BCKDHB: variants seen among roughly 807,000 people sequenced by gnomAD.
The protein encoded by BCKDHB is 2-oxoisovalerate dehydrogenase subunit beta, mitochondrial.
BCKDHB carries 41 observed loss-of-function variants against 48.5 expected under a neutral mutation model. That is an observed-to-expected ratio of 0.85 (90% CI 0.66 to 1.10). The LOEUF (loss-of-function observed/expected upper bound fraction) is 1.10. BCKDHB is among the 50% of genes least tolerant of loss of function. The pLI is 0.00. For synonymous variants in BCKDHB, 201 were observed against 174.8 expected, an observed-to-expected ratio of 1.15 and a Z score of -1.18; for missense variants, 496 against 494.2, an observed-to-expected ratio of 1.00 and a Z score of -0.03.
chr6:80,383,290 A>C, the BCKDHB span, among the ~76,000 whole-genome samples: 1 of 152,120 alleles, frequency 6.6e-6, no homozygotes, highest in Non-Finnish European at 1.5e-5. Flanking sequence ...TATTATCTAA[A>C]GAATGTTAAA....
intron 6 of BCKDHB, among the ~76,000 whole-genome samples, chr6:80,173,246 A>G (rs996814388): frequency 6.6e-6 from 1 of 152,106 alleles, no homozygotes; most frequent in Non-Finnish European, 1.5e-5. Flanking sequence ...GACCCTGATG[A>G]GGTTCAGTAT....
chr6:80,171,842 T>C (rs1000380239), intron 6 of BCKDHB, among the ~76,000 whole-genome samples: 1 of 152,178 alleles, frequency 6.6e-6, no homozygotes, highest in African/African-American at 2.4e-5. Flanking sequence ...GGGATGACTG[T>C]GTAAAGCAAA....
intron 6 of BCKDHB, among the ~76,000 whole-genome samples, chr6:80,196,792 T>G (rs1033131071): frequency 2.6e-5 from 4 of 152,160 alleles, no homozygotes; most frequent in African/African-American, 7.2e-5. Flanking sequence ...AGCATGAATC[T>G]CTAAGTGAAT....
intron 1 of BCKDHB, among the ~76,000 whole-genome samples, chr6:80,116,092 G>A (rs186035131): frequency 2.3e-4 from 35 of 152,272 alleles, no homozygotes; most frequent in African/African-American, 6.3e-4. Flanking sequence ...CTCACTGACC[G>A]TGTGCTCTGC....
At position 80,261,001 on chromosome 6, in the gene BCKDHB, T is replaced by C. The variant is rs575445067; in HGVS notation, c.952-12134T>C. 2.0e-5 allele frequency among the ~76,000 whole-genome samples: 3 copies of C among 152,248 alleles called. No homozygotes were observed. The East Asian group carries it at 5.8e-4, about 29-fold the overall frequency. On this transcript the variant is annotated intron_variant, in intron 8 of 9. Transcript: ENST00000320393. Reference sequence around the variant, plus strand: ...GTATTCAAAAAGAATAAAAAGGAAATGAGTTTGGCCCCCTAAGTCAGAGAC... The same window carrying C: ...GTATTCAAAAAGAATAAAAAGGAAACGAGTTTGGCCCCCTAAGTCAGAGAC...
the BCKDHB span, among the ~76,000 whole-genome samples, chr6:80,353,853 A>T: frequency 1.1e-4 from 1 of 9,268 alleles, no homozygotes; most frequent in Non-Finnish European, 1.2e-3. Context: ...ACTCCGTCTC[A>T]AAAAAAAAAT....
At chr6:80,447,257 T>G in the BCKDHB span, among the ~76,000 whole-genome samples, 1 of 152,118 alleles carries the variant, frequency 6.6e-6, no homozygotes, top group Admixed American at 6.6e-5. Context: ...ACTGTTACTG[T>G]GAGGATCAGA....
intron 9 of BCKDHB, among the ~76,000 whole-genome samples, chr6:80,300,681 A>G (rs552947139): frequency 1.1e-4 from 16 of 152,352 alleles, no homozygotes; most frequent in South Asian, 6.2e-4. Flanking sequence ...AGAACACTCC[A>G]TCCAACTACT....
At chr6:80,212,530 C>G (rs540976110) in intron 8 of BCKDHB, among the ~76,000 whole-genome samples, 8 of 152,018 alleles carry the variant, frequency 5.3e-5, no homozygotes, top group Non-Finnish European at 8.8e-5. Context: ...TTTCAGGTGC[C>G]CTGATTTCAT....
the BCKDHB span, among the ~76,000 whole-genome samples, chr6:80,442,384 A>G: frequency 1.3e-5 from 2 of 152,246 alleles, no homozygotes; most frequent in Admixed American, 1.3e-4. Context: ...ACAACAGTAT[A>G]CTAAATTATC....
At chr6:80,358,725 G>T in the BCKDHB span, among the ~76,000 whole-genome samples, 3 of 152,262 alleles carry the variant, frequency 2.0e-5, no homozygotes, top group African/African-American at 7.2e-5. Context: ...CATGGGAAGG[G>T]GAGAATGGAG....
At chr6:80,368,837 C>A in the BCKDHB span, among the ~76,000 whole-genome samples, 1 of 151,898 alleles carries the variant, frequency 6.6e-6, no homozygotes, top group Non-Finnish European at 1.5e-5. Flanking sequence ...TATGGCAAAA[C>A]CTTTGTCTTT....
At chr6:80,153,420 T>TGGAGTGGATAGAGTTTGAGG (rs1771887602) in intron 3 of BCKDHB, among the ~76,000 whole-genome samples, 1 of 152,100 alleles carries the variant, frequency 6.6e-6, no homozygotes, top group Non-Finnish European at 1.5e-5. Flanking sequence ...ATCTTCCAGC[T>TGGAGTGGATAGAGTTTGAGG]GGAGTGGATA....
chr6:80,228,330 C>T (rs745679719), intron 8 of BCKDHB, among the ~76,000 whole-genome samples: 4 of 152,194 alleles, frequency 2.6e-5, no homozygotes, highest in Non-Finnish European at 5.9e-5. Context: ...TTGAACCTTG[C>T]TTTGCATTTT....
the BCKDHB span, among the ~76,000 whole-genome samples, chr6:80,362,282 C>A: frequency 6.6e-6 from 1 of 152,146 alleles, no homozygotes; most frequent in Non-Finnish European, 1.5e-5. Context: ...TGTTGAGCCC[C>A]AAGTTCCTGG....
intron 8 of BCKDHB, among the ~76,000 whole-genome samples, chr6:80,212,711 A>G (rs555087867): frequency 5.9e-5 from 9 of 152,358 alleles, no homozygotes; most frequent in Admixed American, 5.2e-4. Context: ...ATAAATGTCC[A>G]TGAAATCTTC....
the BCKDHB span, chr6:80,356,460 T>C: frequency 1.3e-5 from 2 of 152,172 alleles, no homozygotes; most frequent in African/African-American, 4.8e-5. Context: ...ATTATGAAAA[T>C]TATGTAGCAA....
intron 1 of BCKDHB, among the ~76,000 whole-genome samples, chr6:80,118,469 C>T (rs550210616): frequency 6.6e-6 from 1 of 151,898 alleles, no homozygotes; most frequent in African/African-American, 2.4e-5. Flanking sequence ...TTGATAGCTA[C>T]TGACTGATCA....
At chr6:80,401,580 T>C in the BCKDHB span, among the ~76,000 whole-genome samples, 233 of 151,874 alleles carry the variant, frequency 1.5e-3, 1 homozygote, top group Non-Finnish European at 3.0e-3. Context: ...AAGTACTCAG[T>C]CTCAGGTAGT....
Sources: allele counts gnomAD v4.1 joint callset (sites outside exome capture counted in the v4.1 genomes callset), GRCh38; gene constraint gnomAD v4.1.1; transcripts MANE v1.5; gene names NCBI Gene and HGNC (gene_info 2026-07-23, HGNC 2026-07-21).